The following RPSA2 variants were observed in gnomAD, a reference collection of about 807,000 sequenced individuals.
RPSA2 encodes ribosomal protein SA 2.
chr19:23,807,817 C>A, the RPSA2 span: 1 of 399,258 alleles, frequency 2.5e-6, no homozygotes, highest in Non-Finnish European at 4.9e-6. Context: ...GTTTGTGTGT[C>A]TTTTCCAGGG....
At chr19:23,767,941 A>G in the RPSA2 span, among the ~76,000 whole-genome samples, 1 of 151,566 alleles carries the variant, frequency 6.6e-6, no homozygotes, top group East Asian at 1.9e-4. Context: ...TAATTTTTCT[A>G]TTTTTAGTAG....
At chr19:23,795,800 G>A in the RPSA2 span, among the ~76,000 whole-genome samples, 1 of 152,122 alleles carries the variant, frequency 6.6e-6, no homozygotes, top group African/African-American at 2.4e-5. Flanking sequence ...TTTTGAGATA[G>A]AGTCTCCCTT....
chr19:23,801,164 AATTC>A, the RPSA2 span, among the ~76,000 whole-genome samples: 3 of 152,324 alleles, frequency 2.0e-5, no homozygotes, highest in East Asian at 5.8e-4. Context: ...TGCAGCTCCA[AATTC>A]TAAATCTAGG....
At chr19:23,852,382 A>G in the RPSA2 span, among the ~76,000 whole-genome samples, 1 of 152,118 alleles carries the variant, frequency 6.6e-6, no homozygotes, top group Non-Finnish European at 1.5e-5. Context: ...AGAGCTGTGA[A>G]GTGGGAAATC....
At chr19:23,793,961 G>A in the RPSA2 span, among the ~76,000 whole-genome samples, 6 of 152,006 alleles carry the variant, frequency 3.9e-5, no homozygotes, top group Non-Finnish European at 8.8e-5. Context: ...TTTTAGAGAT[G>A]GGATTTTTCC....
the RPSA2 span, among the ~76,000 whole-genome samples, chr19:23,790,391 G>T: frequency 6.6e-6 from 1 of 151,824 alleles, no homozygotes; most frequent in African/African-American, 2.4e-5. Flanking sequence ...AGAAAAAAGA[G>T]AATTTTCCCA....
the RPSA2 span, among the ~76,000 whole-genome samples, chr19:23,805,121 G>GCA: frequency 8.5e-4 from 127 of 149,668 alleles, no homozygotes; most frequent in African/African-American, 2.9e-3. Context: ...AAAATAAAAA[G>GCA]CACACACACA....
chr19:23,791,462 CG>C, the RPSA2 span, among the ~76,000 whole-genome samples: 150 of 152,026 alleles, frequency 9.9e-4, no homozygotes, highest in Non-Finnish European at 1.7e-3. Flanking sequence ...AGTACAAATC[CG>C]GGGACTAGAG....
the RPSA2 span, among the ~76,000 whole-genome samples, chr19:23,773,240 G>A: frequency 6.7e-6 from 1 of 150,118 alleles, no homozygotes; most frequent in African/African-American, 2.5e-5. Context: ...GGTACTACAG[G>A]TGCCTGCCAC....
chr19:23,787,866 G>GC, the RPSA2 span, among the ~76,000 whole-genome samples: 2 of 152,072 alleles, frequency 1.3e-5, no homozygotes, highest in South Asian at 4.1e-4. Context: ...ACATATTGCT[G>GC]CGCCCTGCCC....
the RPSA2 span, among the ~76,000 whole-genome samples, chr19:23,803,271 T>G: frequency 1.3e-5 from 2 of 152,150 alleles, no homozygotes; most frequent in Admixed American, 6.5e-5. Context: ...CTCACAGAAC[T>G]AACTAGAAGA....
the RPSA2 span, among the ~76,000 whole-genome samples, chr19:23,845,269 A>ATTTT: frequency 1.4e-4 from 1 of 7,266 alleles, no homozygotes; most frequent in Non-Finnish European, 1.2e-3. Context: ...TTCTGTTCTG[A>ATTTT]TTTATGTTTT....
At chr19:23,780,241 T>C in the RPSA2 span, among the ~76,000 whole-genome samples, 3 of 152,132 alleles carry the variant, frequency 2.0e-5, no homozygotes, top group Non-Finnish European at 2.9e-5. Context: ...AGACAGATCA[T>C]GTTTCATGTA....
the RPSA2 span, among the ~76,000 whole-genome samples, chr19:23,864,496 C>T: frequency 6.6e-6 from 1 of 151,956 alleles, no homozygotes; most frequent in Non-Finnish European, 1.5e-5. Context: ...AACACTATAA[C>T]AGTGCAAATA....
At chr19:23,800,139 C>G in the RPSA2 span, among the ~76,000 whole-genome samples, 1 of 151,132 alleles carries the variant, frequency 6.6e-6, no homozygotes, top group Admixed American at 6.6e-5. Flanking sequence ...AGTGATTCTC[C>G]TGCCTCAGCC....
chr19:23,835,964 T>C, the RPSA2 span, among the ~76,000 whole-genome samples: 147,851 of 152,224 alleles, frequency 0.97, 71,972 homozygotes, highest in Middle Eastern at 1. Flanking sequence ...ATTCATTATG[T>C]GAACTGGTCT....
chr19:23,761,921 T>TCTCTCTCTCTCTCTCTCGCTCTC, the RPSA2 span, among the ~76,000 whole-genome samples: 2 of 76,142 alleles, frequency 2.6e-5, no homozygotes, highest in African/African-American at 1.0e-4. Flanking sequence ...TCTTTCTTTC[T>TCTCTCTCTCTCTCTCTCGCTCTC]TTTTTTTTTT....
At chr19:23,797,852 G>A in the RPSA2 span, among the ~76,000 whole-genome samples, 1 of 152,128 alleles carries the variant, frequency 6.6e-6, no homozygotes, top group Non-Finnish European at 1.5e-5. Context: ...AGATGTCCAT[G>A]AGTTCAAGAA....
the RPSA2 span, chr19:23,832,333 A>G: frequency 1.2e-4 from 57 of 476,370 alleles, no homozygotes; most frequent in South Asian, 7.5e-4. Context: ...CAAAGCATTT[A>G]TCTGGTCCTC....
Sources: gnomAD v4.1 joint callset for allele counts (sites outside exome capture counted in the v4.1 genomes callset) on GRCh38, gnomAD v4.1.1 for gene constraint, MANE v1.5 for transcripts, NCBI Gene and HGNC (gene_info 2026-07-23, HGNC 2026-07-21) for gene names.